Variants in PITPNM2 observed in about 807,000 individuals in gnomAD.
PITPNM2 encodes the protein phosphatidylinositol transfer protein membrane associated 2.
PITPNM2 carries 35 observed loss-of-function variants against 132.2 expected under a neutral mutation model. That is an observed-to-expected ratio of 0.26 (90% CI 0.20 to 0.35). The LOEUF is 0.35. Ranked by LOEUF, PITPNM2 falls within the 10% of genes least tolerant of loss-of-function variation. The pLI is 1.00. For missense variants in PITPNM2, 1,332 were observed against 1,912.0 expected, an observed-to-expected ratio of 0.70 and a Z score of 5.66; for synonymous variants, 738 against 799.2, an observed-to-expected ratio of 0.92 and a Z score of 1.29.
In PITPNM2 at chr12:123,009,345, G is replaced by C. The variant is rs369448301; in HGVS notation, c.643+505C>G. ...GTTCCATGGGCACCTACTCTGGCTA[G>C]GCTGGTGTGGGTGTGAAGGCCACTA... On this transcript the variant is annotated intron_variant, in intron 6 of 25. Transcript: ENST00000320201. The surrounding 1 kb of genome is among the most constrained non-coding windows in gnomAD (Gnocchi z 4.8). 4.2e-4 allele frequency among the ~76,000 whole-genome samples: 64 copies of C among 152,302 alleles called. No individual in the cohort carries two copies. Among genetic ancestry groups the C allele is most frequent in the East Asian group, 4.0e-3 (21 of 5,188 alleles).
rs988378070 is a variant in PITPNM2 at position 122,983,921 on chromosome 12, C to T, written c.*2106G>A. 6.5e-6 allele frequency: 1 copy of T among 152,696 alleles called. No homozygotes were observed. The highest frequency in any genetic ancestry group is 2.4e-5 in the African/African-American group (1 of 41,466). The allele number at this position is 152,696 out of a possible 1,614,324, so 9.5% of individuals were successfully genotyped here. On this transcript the variant is annotated 3_prime_UTR_variant, in exon 26 of 26. Coordinates refer to ENST00000320201, the MANE Select transcript of PITPNM2 (RefSeq NM_020845.3). Reference sequence around the variant, plus strand: ...ACATTTTTGGTATTTTTAAAGGACGCTGCCCTCCCTCTCTTAGTTTCAGAA... The same window carrying T: ...ACATTTTTGGTATTTTTAAAGGACGTTGCCCTCCCTCTCTTAGTTTCAGAA...
At position 123,111,847 on chromosome 12, in the gene PITPNM2, C is replaced by T. The variant is rs1156890566; in HGVS notation, c.-199-1359G>A. 2.0e-5 allele frequency among the ~76,000 whole-genome samples: 3 copies of T among 152,236 alleles called. No individual in the cohort carries two copies. Among genetic ancestry groups the T allele is most frequent in the Admixed American group, 2.0e-4 (3 of 15,288 alleles). On this transcript the variant is annotated intron_variant, in intron 1 of 25. Transcript: ENST00000320201. This position sits in a 1 kb window ranked among gnomAD's most constrained non-coding sequence, Gnocchi z 4.1. ...GACCATGAGCAAGCTGGCCTTCCAG[C>T]CTTGCCTCTACATGCCACCGTAGGC...
At chr12:123,010,202 G>A (rs2039126575) in intron 5 of PITPNM2, 125 bp from the exon 6 acceptor site, 2 of 757,192 alleles carry the variant, frequency 2.6e-6, no homozygotes, top group East Asian at 5.3e-5. Flanking sequence ...AGGGACCCTG[G>A]GAGTGAGGAT....
intron 8 of PITPNM2, 70 bp from the exon 9 acceptor site, chr12:123,001,228 AC>A (rs1330837028): frequency 8.0e-7 from 1 of 1,248,306 alleles, no homozygotes; most frequent in African/African-American, 1.5e-5. Flanking sequence ...CGAGGTGGGG[AC>A]GCCCCTGTGT....
Position 122,988,712 on chromosome 12 carries a change from G to GGCC in PITPNM2, c.2880+9_2880+11dup, listed in dbSNP as rs2038047349. On this transcript the variant is annotated intron_variant, in intron 19 of 25. Transcript: ENST00000320201. ...CTCAGGGCCCTCCTGGGAGGTCCCA[G>GGCC]GCCCCGGGTACCTGTCTCAGCAGAA... 1 of 1,553,210 alleles carries GGCC rather than the reference G, an allele frequency of 6.4e-7. No homozygotes were observed. The highest frequency in any genetic ancestry group is 2.0e-5 in the Admixed American group (1 of 51,062).
chr12:122,988,584 T>C, intron 19 of PITPNM2, 140 bp downstream of exon 19: 1 of 931,994 alleles, frequency 1.1e-6, no homozygotes, highest in Non-Finnish European at 1.6e-6. Context: ...CACCCGAGCA[T>C]AAAGGTGCCC....
chr12:123,012,424 A>G (rs986122762), intron 5 of PITPNM2, among the ~76,000 whole-genome samples, 189 bp downstream of exon 5: 2 of 152,174 alleles, frequency 1.3e-5, no homozygotes, highest in African/African-American at 4.8e-5. Flanking sequence ...ATATATCAGG[A>G]GAATGGGGCT....
chr12:122,987,703 T>C (rs2136044908), intron 21 of PITPNM2, 44 bp from the exon 22 acceptor site: 1 of 1,611,346 alleles, frequency 6.2e-7, no homozygotes, highest in Admixed American at 1.7e-5. Flanking sequence ...GTCTGGCCTC[T>C]CCACCCCCTG....
chr12:123,001,720 CCTGA>C (rs912713292), intron 8 of PITPNM2, among the ~76,000 whole-genome samples: 8 of 152,108 alleles, frequency 5.3e-5, no homozygotes, highest in Non-Finnish European at 7.4e-5. Flanking sequence ...AGCTGATGTT[CCTGA>C]CTGTTTTTTT....
In PITPNM2 at chr12:122,988,796, C is replaced by T. The variant is rs2038051587; in HGVS notation, c.2808G>A (p.Thr936=). ...YCPDALTAFP[T]VALPHLFHAS... is the part of the protein sequence containing the mutation. ...CGTGGAAGAGGTGAGGCAGAGCCAC[C>T]GTGGGGAAGGCCGTGAGGGCGTCAG... Residue 936 remains threonine, a synonymous_variant, in exon 19 of 26, where the codon ACG becomes ACA. Coordinates refer to ENST00000320201, the MANE Select transcript of PITPNM2 (RefSeq NM_020845.3). 2 of 1,584,552 alleles carry T rather than the reference C, an allele frequency of 1.3e-6. No homozygotes were observed. Among genetic ancestry groups the T allele is most frequent in the Non-Finnish European group, 1.7e-6 (2 of 1,165,524 alleles).
chr12:123,137,892 C>CAAAAAAA (rs72436741), intron 1 of PITPNM2, among the ~76,000 whole-genome samples: 2 of 127,030 alleles, frequency 1.6e-5, no homozygotes. Context: ...GATTCTGTCT[C>CAAAAAAA]AAAAAAAAAA....
At chr12:122,996,624 GACTAT>G in intron 12 of PITPNM2, 47 bp from the exon 13 acceptor site, 1 of 1,612,108 alleles carries the variant, frequency 6.2e-7, no homozygotes, top group Non-Finnish European at 8.5e-7. Context: ...CCGCTCGCTG[GACTAT>G]AGGCTGGGGA....
rs1038834978 is a variant in PITPNM2, at chr12:123,150,845, G to A, written c.-292C>T. On this transcript the variant is annotated 5_prime_UTR_variant, in exon 1 of 26. Transcript: ENST00000320201. The surrounding 1 kb of genome is among the most constrained non-coding windows in gnomAD (Gnocchi z 6.0). ...GCCTCACGGGGAGCGCCCGCCCCGC[G>A]GCCCCGGCCCGGCCGGCTGCGCCCC... Among the ~76,000 whole-genome samples the A allele has an allele frequency of 8.9e-5, 13 of 145,970 alleles. No homozygotes were observed. The highest frequency in any genetic ancestry group is 2.7e-4 in the African/African-American group (11 of 40,746).
intron 3 of PITPNM2, among the ~76,000 whole-genome samples, chr12:123,020,520 T>C (rs1300632587): frequency 1.3e-5 from 2 of 152,116 alleles, no homozygotes; most frequent in African/African-American, 4.8e-5. Context: ...CTGGTACATG[T>C]ATAGAGAATG....
At chr12:123,025,963 T>A (rs2039849780) in intron 3 of PITPNM2, among the ~76,000 whole-genome samples, 2 of 152,192 alleles carry the variant, frequency 1.3e-5, no homozygotes, top group Non-Finnish European at 2.9e-5. Context: ...GTCACACAGT[T>A]ACTAAATGGC....
chr12:123,119,795 CT>C (rs112540065), intron 1 of PITPNM2, among the ~76,000 whole-genome samples: 21,539 of 140,870 alleles, frequency 0.15, 4,858 homozygotes, highest in African/African-American at 0.5. Flanking sequence ...TCTTTTCTTT[CT>C]TTTTTTTTTT....
chr12:123,030,083 C>T (rs1394644528), intron 3 of PITPNM2, among the ~76,000 whole-genome samples: 2 of 152,022 alleles, frequency 1.3e-5, no homozygotes, highest in African/African-American at 4.8e-5. Flanking sequence ...CTCATGCTGC[C>T]CATGGAGATC....
rs192410082 is a variant in PITPNM2, at chr12:123,126,260, A to G, written c.-199-15772T>C. 4.5e-3 allele frequency among the ~76,000 whole-genome samples: 688 copies of G among 152,290 alleles called. 5 individuals are homozygous for G. The highest frequency in any genetic ancestry group is 7.9e-3 in the Non-Finnish European group (535 of 68,028). On this transcript the variant is annotated intron_variant, in intron 1 of 25. Coordinates refer to ENST00000320201, the MANE Select transcript of PITPNM2 (RefSeq NM_020845.3). ...AAGCAGACCCTTCAGTGAGTTGAAT[A>G]TAACTGCTAAGGGTTCTGCAGGGAT...
intron 17 of PITPNM2, among the ~76,000 whole-genome samples, chr12:122,990,310 C>G (rs2038132105): frequency 6.6e-6 from 1 of 152,254 alleles, no homozygotes; most frequent in Non-Finnish European, 1.5e-5. Context: ...CCTGAGAAGG[C>G]GAAGCTTCTC....
Sources: gnomAD v4.1 joint callset for allele counts (sites outside exome capture counted in the v4.1 genomes callset) on GRCh38, gnomAD v4.1.1 for gene constraint, Gnocchi (gnomAD v3.1) non-coding constraint, MANE v1.5 for transcripts, NCBI Gene and HGNC (gene_info 2026-07-23, HGNC 2026-07-21) for gene names.